Variants in ADGRL2 observed in about 807,000 individuals in gnomAD.
ADGRL2 encodes the protein adhesion G protein-coupled receptor L2.
In ADGRL2, 44 loss-of-function variants were observed where a neutral mutation model predicts 157.4. The ratio of observed to expected loss-of-function variants is 0.28; its 90% CI spans 0.22 to 0.36. ADGRL2 has a LOEUF of 0.36. ADGRL2 is among the 10% of genes least tolerant of loss of function. The pLI is 1.00. For synonymous variants in ADGRL2, 585 were observed against 624.7 expected (o/e 0.94, Z 0.95); for missense variants, 1,510 against 1,768.9 (o/e 0.85, Z 2.63).
intron 1 of ADGRL2, among the ~76,000 whole-genome samples, chr1:81,318,573 A>G (rs1392446356): frequency 6.6e-6 from 1 of 152,200 alleles, no homozygotes; most frequent in Admixed American, 6.5e-5. Flanking sequence ...AGTTGAATAA[A>G]TGGTGACTAT....
At chr1:81,765,026 T>G (rs548880944) in intron 2 of ADGRL2, among the ~76,000 whole-genome samples, 30 of 152,188 alleles carry the variant, frequency 2.0e-4, no homozygotes, top group African/African-American at 7.0e-4. Flanking sequence ...ATATTGTGTA[T>G]TTTGATAATA....
rs1054716307 is a variant in ADGRL2, at chr1:81,413,825, T to C, written c.-301-31211T>C. Among the ~76,000 whole-genome samples the C allele has an allele frequency of 5.3e-5, 8 of 152,022 alleles. No individual in the cohort carries two copies. The Middle Eastern group carries it at 0.014, about 259-fold the overall frequency. ...TTATCTATCTCTGTATATACACACA[T>C]ACACATACACATATATATTTACCCT... On this transcript the variant is annotated intron_variant, in intron 1 of 24. Transcript: ENST00000370721.
At chr1:81,932,014 T>C (rs1238580177) in intron 3 of ADGRL2, among the ~76,000 whole-genome samples, 2 of 152,146 alleles carry the variant, frequency 1.3e-5, no homozygotes, top group African/African-American at 4.8e-5. Context: ...AAGAAAGCAA[T>C]TTCTGTATTT....
At chr1:81,620,300 ACATAATT>A (rs1419412807) in intron 3 of ADGRL2, among the ~76,000 whole-genome samples, 1 of 152,240 alleles carries the variant, frequency 6.6e-6, no homozygotes, top group Non-Finnish European at 1.5e-5. Context: ...TGTACATAAT[ACATAATT>A]CATTTTTGCA....
chr1:81,601,416 G>A lies in ADGRL2; in HGVS notation c.-143+20436G>A, dbSNP rs574784726. Among the ~76,000 whole-genome samples the A allele has an allele frequency of 2.0e-5, 3 of 152,290 alleles. No individual in the cohort carries two copies. In the East Asian group the frequency reaches 5.8e-4, roughly 29 times the overall value. ...GGACCAGAAGAGACAGTTCACTTTAGCACTGATCTTATCAATTTGGTGTAT... is the reference window on the plus strand; with the variant it reads ...GGACCAGAAGAGACAGTTCACTTTAACACTGATCTTATCAATTTGGTGTAT... On this transcript the variant is annotated intron_variant, in intron 3 of 24. Transcript: ENST00000370721.
intron 1 of ADGRL2, among the ~76,000 whole-genome samples, chr1:81,360,903 G>A (rs1175232500): frequency 2.6e-5 from 4 of 151,902 alleles, no homozygotes; most frequent in Non-Finnish European, 4.4e-5. Context: ...TTTAATGCAT[G>A]CTGGGAAGAA....
At chr1:81,445,725 G>T (rs2077585811) in intron 2 of ADGRL2, among the ~76,000 whole-genome samples, 1 of 152,084 alleles carries the variant, frequency 6.6e-6, no homozygotes, top group East Asian at 1.9e-4. Flanking sequence ...TAAAAGCCTA[G>T]CCTTCAGAGC....
intron 2 of ADGRL2, chr1:81,503,076 A>G (rs1570304835): frequency 3.1e-6 from 5 of 1,609,320 alleles, no homozygotes; most frequent in Non-Finnish European, 4.2e-6. Context: ...GGCTGGAGTC[A>G]GGGGAGCCTG....
At chr1:81,655,378 A>G (rs1453292115) in intron 3 of ADGRL2, among the ~76,000 whole-genome samples, 1 of 152,142 alleles carries the variant, frequency 6.6e-6, no homozygotes, top group Non-Finnish European at 1.5e-5. Context: ...GGTTAAGTCA[A>G]TTGCCCCTGT....
chr1:81,436,985 T>C (rs1175784117), intron 1 of ADGRL2, among the ~76,000 whole-genome samples: 2 of 152,270 alleles, frequency 1.3e-5, no homozygotes, highest in Non-Finnish European at 2.9e-5. Context: ...TAAATCCAGA[T>C]GGCAAGAATT....
At chr1:81,502,592 T>C (rs942002912) in intron 2 of ADGRL2, 9 of 1,613,836 alleles carry the variant, frequency 5.6e-6, no homozygotes, top group Non-Finnish European at 7.6e-6. Flanking sequence ...CAAGAAGATC[T>C]GGAGGGAGAT....
chr1:81,663,847 T>C (rs1310417244), intron 3 of ADGRL2, among the ~76,000 whole-genome samples: 1 of 152,200 alleles, frequency 6.6e-6, no homozygotes, highest in Non-Finnish European at 1.5e-5. Context: ...GTTCTCACAG[T>C]ACTTCTTGTA....
At chr1:81,502,607 A>G in intron 2 of ADGRL2, 1 of 1,614,034 alleles carries the variant, frequency 6.2e-7, no homozygotes, top group Non-Finnish European at 8.5e-7. Context: ...GGAGATCACC[A>G]AAGGCCTAAA....
At chr1:81,798,221 A>G (rs2087690677), upstream of ADGRL2, among the ~76,000 whole-genome samples, 1 of 152,022 alleles carries the variant, frequency 6.6e-6, no homozygotes, top group Admixed American at 6.6e-5. Flanking sequence ...CAGGTAAATT[A>G]TGTTTTTTGA....
At chr1:81,717,528 C>T (rs2084159270) in intron 1 of ADGRL2, among the ~76,000 whole-genome samples, 2 of 152,076 alleles carry the variant, frequency 1.3e-5, no homozygotes, top group African/African-American at 4.8e-5. Flanking sequence ...GTTAGTCATC[C>T]CAGAATAAAG....
chr1:81,648,297 A>G (rs1342710112), intron 3 of ADGRL2, among the ~76,000 whole-genome samples: 1 of 152,156 alleles, frequency 6.6e-6, no homozygotes, highest in Non-Finnish European at 1.5e-5. Flanking sequence ...TGACTCCCTC[A>G]ATTTATAGAT....
intron 2 of ADGRL2, among the ~76,000 whole-genome samples, chr1:81,493,634 G>C (rs552197383): frequency 2.0e-5 from 3 of 152,254 alleles, no homozygotes; most frequent in African/African-American, 7.2e-5. Context: ...CATCAGTGAA[G>C]TAATTTCTAT....
At chr1:81,966,697 G>A in intron 13 of ADGRL2, 88 bp downstream of exon 13, 1 of 1,104,022 alleles carries the variant, frequency 9.1e-7, no homozygotes, top group Non-Finnish European at 1.4e-6. Context: ...GATGGGGAGA[G>A]AACTGGGGAG....
chr1:81,512,443 T>C (rs1375829000), intron 2 of ADGRL2, among the ~76,000 whole-genome samples: 1 of 152,168 alleles, frequency 6.6e-6, no homozygotes, highest in East Asian at 1.9e-4. Context: ...TTCTGTGTAG[T>C]TGCTGGAATG....
Sources: gnomAD v4.1 joint callset for allele counts (sites outside exome capture counted in the v4.1 genomes callset) on GRCh38, gnomAD v4.1.1 for gene constraint, MANE v1.5 for transcripts, NCBI Gene and HGNC (gene_info 2026-07-23, HGNC 2026-07-21) for gene names.